Variants in PRRC2A observed in about 807,000 individuals in gnomAD.
PRRC2A encodes proline rich coiled-coil 2A.
A neutral mutation model predicts 224.6 loss-of-function variants in PRRC2A; 59 were observed. The ratio of observed to expected loss-of-function variants is 0.26; its 90% CI spans 0.21 to 0.33. PRRC2A has a LOEUF of 0.33. Ranked by LOEUF, PRRC2A falls within the 10% of genes least tolerant of loss-of-function variation. The pLI, the probability that PRRC2A is intolerant of heterozygous loss-of-function variation, is 1.00. For missense variants in PRRC2A, 3,095 were observed against 2,880.7 expected (o/e 1.07, Z -1.70); for synonymous variants, 1,194 against 1,109.5 (o/e 1.08, Z -1.51).
chr6:31,630,067 A>T (rs565553799), intron 14 of PRRC2A, among the ~76,000 whole-genome samples: 41 of 152,360 alleles, frequency 2.7e-4, no homozygotes, highest in African/African-American at 9.4e-4. Flanking sequence ...CTGTAATCCC[A>T]GCACTTAGGG....
intron 14 of PRRC2A, among the ~76,000 whole-genome samples, 198 bp from the exon 15 acceptor site, chr6:31,630,393 C>T (rs1776412675): frequency 6.6e-6 from 1 of 152,052 alleles, no homozygotes. Context: ...CCTTCATTTG[C>T]CAGGATTTAT....
chr6:31,623,230 T>C (rs1775503891), intron 2 of PRRC2A: 1 of 603,004 alleles, frequency 1.7e-6, no homozygotes, highest in African/African-American at 1.9e-5. Flanking sequence ...ATGTTACATA[T>C]CTCAGCCTTC....
At chr6:31,621,480 C>G (rs1326255755) in intron 1 of PRRC2A, among the ~76,000 whole-genome samples, 1 of 151,758 alleles carries the variant, frequency 6.6e-6, no homozygotes, top group Non-Finnish European at 1.5e-5. Flanking sequence ...ACTTCGTTGT[C>G]TACATCCTTT....
rs754030404 is a variant in PRRC2A, at chr6:31,636,795, A to G, written c.5997A>G (p.Ala1999=). ...PVVNFGSLPP[A]PPPAPPPLSL... is the part of the protein sequence containing the mutation. ...TGAACTTTGGCTCCCTGCCGCCAGC[A>G]CCACCTCCTGCCCCACCTCCCCTTT... Residue 1999 remains alanine (A), a synonymous_variant, in exon 28 of 31, where the codon GCA becomes GCG. Transcript: ENST00000376033. This position sits in a 1 kb window ranked among gnomAD's most constrained non-coding sequence, Gnocchi z 4.3. 10 of 1,608,648 alleles carry G rather than the reference A, an allele frequency of 6.2e-6. No individual in the cohort carries two copies. Among genetic ancestry groups the G allele is most frequent in the African/African-American group, 1.3e-5 (1 of 74,866 alleles).
intron 21 of PRRC2A, 55 bp downstream of exon 21, chr6:31,635,032 T>C: frequency 6.3e-7 from 1 of 1,599,876 alleles, no homozygotes; most frequent in African/African-American, 1.3e-5. Context: ...ACTTTGGCCC[T>C]ACCTTTTTCT....
At position 31,631,917 on chromosome 6, in the gene PRRC2A, C is replaced by T. The variant is rs1442342973; in HGVS notation, c.3244C>T (p.Arg1082Cys). 27 of 1,612,616 alleles carry T rather than the reference C, an allele frequency of 1.7e-5. No homozygotes were observed. The highest frequency in any genetic ancestry group is 4.5e-5 in the East Asian group (2 of 44,874). The change falls in exon 16 of 31, where the codon CGC becomes TGC. Residue 1082 changes from arginine to cysteine, a missense_variant. Around this residue, in one of 8 missense-constraint regions of PRRC2A, gnomAD observed 2,001 missense variants for 1,764.9 expected, o/e 1.13. Coordinates refer to ENST00000376033, the MANE Select transcript of PRRC2A (RefSeq NM_004638.4). The surrounding 1 kb of genome is among the most constrained non-coding windows in gnomAD (Gnocchi z 4.5). ...AAACCACCCTCCTGCTCCCCGAGGC[C>T]GCACTGCCAGCGAGACACGGAGCGA... The part of the protein sequence containing the change: ...GPNHPPAPRG[R>C]TASETRSEGS...
intron 2 of PRRC2A, chr6:31,623,264 T>A (rs1775515758): frequency 5.1e-6 from 1 of 194,422 alleles, no homozygotes; most frequent in Non-Finnish European, 1.0e-5. Flanking sequence ...CATAGATTTT[T>A]TTTTTTTTTT....
chr6:31,625,535 G>A lies in PRRC2A; in HGVS notation c.683G>A (p.Gly228Asp). The change falls in exon 7 of 31, where the codon GGT becomes GAT. Residue 228 changes from glycine (G) to aspartate (D), a missense_variant. Gly to Asp is a moderately conservative substitution (Grantham distance 94). Transcript: ENST00000376033. This position sits in a 1 kb window ranked among gnomAD's most constrained non-coding sequence, Gnocchi z 4.1. ...GGCCCGGACTCCAAACTTCATCATGGTCATGATCCCCGGGGTGGGCTACAG... is the reference window on the plus strand; with the variant it reads ...GGCCCGGACTCCAAACTTCATCATGATCATGATCCCCGGGGTGGGCTACAG... ...LEGPDSKLHHGHDPRGGLQPS... is the reference protein window; with the variant it reads ...LEGPDSKLHHDHDPRGGLQPS... 1 of 1,578,584 alleles carries A rather than the reference G, an allele frequency of 6.3e-7. No individual in the cohort carries two copies. The highest frequency in any genetic ancestry group is 8.6e-7 in the Non-Finnish European group (1 of 1,158,962).
rs565746773 is a variant in PRRC2A at position 31,622,598 on chromosome 6, T to C, written c.-100-92T>C. On this transcript the variant is annotated intron_variant, in intron 1 of 30. Transcript: ENST00000376033. ...GCTTGAGAAGAGTGGGCAGTTTACATAGACTGGAGGAAAAGACACCAGAGG... is the reference window on the plus strand; with the variant it reads ...GCTTGAGAAGAGTGGGCAGTTTACACAGACTGGAGGAAAAGACACCAGAGG... 32 of 549,278 alleles carry C rather than the reference T, an allele frequency of 5.8e-5. No individual in the cohort carries two copies. In the African/African-American group the frequency reaches 6.2e-4, roughly 11 times the overall value. 34.0% of individuals were successfully genotyped at this position (549,278 alleles called of 1,614,324 possible).
chr6:31,622,000 T>C (rs1239163896), intron 1 of PRRC2A, among the ~76,000 whole-genome samples: 2 of 152,208 alleles, frequency 1.3e-5, no homozygotes, highest in African/African-American at 4.8e-5. Context: ...AAAACAGTAT[T>C]TCATCTGGAG....
chr6:31,633,242 G>A (rs1037220238), intron 16 of PRRC2A, 137 bp from the exon 17 acceptor site: 5 of 1,288,844 alleles, frequency 3.9e-6, no homozygotes, highest in Non-Finnish European at 5.4e-6. Flanking sequence ...GTATGCATAG[G>A]AATCCTTAGA....
In PRRC2A at chr6:31,635,725, C is replaced by T; in HGVS notation, c.5517C>T (p.Gly1839=). The T allele has an allele frequency of 6.3e-7, 1 of 1,594,674 alleles. No homozygotes were observed. Among genetic ancestry groups the T allele is most frequent in the African/African-American group, 1.4e-5 (1 of 74,038 alleles). The change falls in exon 24 of 31, where the codon GGC becomes GGT. Residue 1839 remains glycine, a synonymous_variant. Transcript: ENST00000376033. ...GCCTGTATCCTGAGGTTTTCTATGG[C>T]AGTGCTGGGCCTTCCAGTTCTCAGG... is the stretch of plus-strand genomic sequence containing the variant. ...GQRLYPEVFY[G]SAGPSSSQIS...
rs747133188 is a variant in PRRC2A, at chr6:31,631,765, A to G, written c.3092A>G (p.Tyr1031Cys). Residue 1031 changes from tyrosine (Y) to cysteine (C), a missense_variant, in exon 16 of 31, where the codon TAT becomes TGT. Tyr to Cys is a radical substitution (Grantham distance 194). This residue lies in a region of PRRC2A where 2,001 missense variants were observed against 1,764.9 expected (regional missense o/e 1.13). Coordinates refer to ENST00000376033, the MANE Select transcript of PRRC2A (RefSeq NM_004638.4). This position sits in a 1 kb window ranked among gnomAD's most constrained non-coding sequence, Gnocchi z 4.5. ...TSCRGRGRGE[Y>C]FARGRGFRGT... ...TGCCGGGGTCGGGGCCGAGGCGAGTATTTTGCCAGAGGGAGGGGTTTTCGG... is the reference window on the plus strand; with the variant it reads ...TGCCGGGGTCGGGGCCGAGGCGAGTGTTTTGCCAGAGGGAGGGGTTTTCGG... 2.6e-6 allele frequency: 4 copies of G among 1,540,688 alleles called. No homozygotes were observed. The highest frequency in any genetic ancestry group is 3.5e-6 in the Non-Finnish European group (4 of 1,142,510).
intron 5 of PRRC2A, chr6:31,624,967 T>C: frequency 1.6e-6 from 1 of 606,294 alleles, no homozygotes; most frequent in Non-Finnish European, 2.9e-6. Flanking sequence ...CCAGCTAATT[T>C]TTTGTGTGTT....
chr6:31,631,285 A>T lies in PRRC2A; in HGVS notation c.2612A>T (p.Asp871Val). ...CCACTCCCCTGGCCCCCAGGCAGTG[A>T]TGAAGTGGCCAAGATACAAACTCCA... ...PRPLPWPPGS[D>V]EVAKIQTPPP... The change falls in exon 16 of 31, where the codon GAT becomes GTT. Residue 871 changes from aspartate to valine, a missense_variant. Asp to Val is a radical substitution (Grantham distance 152). Coordinates refer to ENST00000376033, the MANE Select transcript of PRRC2A (RefSeq NM_004638.4). The surrounding 1 kb of genome is among the most constrained non-coding windows in gnomAD (Gnocchi z 4.5). The T allele has an allele frequency of 6.2e-7, 1 of 1,612,228 alleles. No individual in the cohort carries two copies. The highest frequency in any genetic ancestry group is 8.5e-7 in the Non-Finnish European group (1 of 1,179,716).
At chr6:31,628,935 T>C in intron 12 of PRRC2A, 1 of 562,090 alleles carries the variant, frequency 1.8e-6, no homozygotes, top group Non-Finnish European at 3.1e-6. Flanking sequence ...TTCTAATGGT[T>C]TCATAGAAAG....
At chr6:31,637,400 T>G in intron 30 of PRRC2A, 46 bp from the exon 31 acceptor site, 1 of 1,604,046 alleles carries the variant, frequency 6.2e-7, no homozygotes, top group Non-Finnish European at 8.5e-7. Flanking sequence ...GTCTCATCGC[T>G]GACCTCTCAC....
rs912183307 is a variant in PRRC2A, at chr6:31,632,018, T to A, written c.3345T>A (p.Ser1115Arg). ...AAACAGGCAGCGAGACCCATGAGAG[T>A]GATCTGGCTCCTTCAGACAAGGAGG... is the stretch of plus-strand genomic sequence containing the variant. ...GSETGSETHE[S>R]DLAPSDKEAP... The change falls in exon 16 of 31, where the codon AGT becomes AGA. Residue 1115 changes from serine (S) to arginine (R), a missense_variant. By Grantham distance (110) the Ser-to-Arg change is moderately radical (BLOSUM62 -1). Transcript: ENST00000376033. 1 of 1,604,550 alleles carries A rather than the reference T, an allele frequency of 6.2e-7. No homozygotes were observed. The highest frequency in any genetic ancestry group is 8.5e-7 in the Non-Finnish European group (1 of 1,174,740).
At chr6:31,629,519 C>T (rs1776294600) in intron 13 of PRRC2A, 29 bp from the exon 14 acceptor site, 2 of 1,472,344 alleles carry the variant, frequency 1.4e-6, no homozygotes, top group Non-Finnish European at 1.9e-6. Flanking sequence ...CTTTGAGCCT[C>T]TCTCATCTTG....
Sources: gnomAD v4.1 joint callset for allele counts (sites outside exome capture counted in the v4.1 genomes callset) on GRCh38, gnomAD v4.1.1 for gene constraint, gnomAD v4.1.1 regional missense constraint, Gnocchi (gnomAD v3.1) non-coding constraint, MANE v1.5 for transcripts, NCBI Gene and HGNC (gene_info 2026-07-23, HGNC 2026-07-21) for gene names.